Variants in KCNIP3 observed in about 807,000 individuals in gnomAD.
KCNIP3 encodes the protein potassium voltage-gated channel interacting protein 3, also known as calsenilin.
Under a neutral mutation model 35.0 loss-of-function variants are expected in KCNIP3, and 28 were observed. The observed-to-expected ratio is 0.80, with a 90% CI of 0.59 to 1.10. The LOEUF is 1.10. Among genes scored for constraint, KCNIP3 ranks in the 50% least tolerant of loss-of-function variants. The probability of loss-of-function intolerance (pLI) is 0.00; values close to 1 mark genes in which losing one functional copy is unlikely to be tolerated. For synonymous variants in KCNIP3, 134 were observed against 133.8 expected (o/e 1.00, Z -0.01); for missense variants, 295 against 338.4 (o/e 0.87, Z 1.01).
intron 5 of KCNIP3, among the ~76,000 whole-genome samples, chr2:95,380,766 G>A (rs538609460): frequency 6.6e-6 from 1 of 152,334 alleles, no homozygotes; most frequent in South Asian, 2.1e-4. Context: ...TGTAATCCCA[G>A]CACTTCTGAA....
intron 2 of KCNIP3, among the ~76,000 whole-genome samples, chr2:95,359,202 C>T (rs1679730922): frequency 6.6e-6 from 1 of 152,162 alleles, no homozygotes; most frequent in African/African-American, 2.4e-5. Flanking sequence ...CCCAGAGTCT[C>T]ATCTAAATCA....
chr2:95,383,322 G>A, intron 8 of KCNIP3, 28 bp downstream of exon 8: 1 of 1,608,846 alleles, frequency 6.2e-7, no homozygotes, highest in Non-Finnish European at 8.5e-7. Flanking sequence ...CTGGGCCACA[G>A]TTCTCTGCAG....
intron 1 of KCNIP3, chr2:95,303,005 A>C (rs1678077700): frequency 6.6e-6 from 1 of 152,608 alleles, no homozygotes; most frequent in Non-Finnish European, 1.5e-5. Context: ...CAGGTTTTCC[A>C]GGACCCCCAC....
intron 2 of KCNIP3, among the ~76,000 whole-genome samples, chr2:95,350,574 T>G (rs1679489247): frequency 1.3e-5 from 2 of 152,122 alleles, no homozygotes; most frequent in South Asian, 4.1e-4. Flanking sequence ...ACTGCCTGGA[T>G]GGGCACCGAG....
At chr2:95,327,709 T>C (rs1678828318) in intron 2 of KCNIP3, among the ~76,000 whole-genome samples, 1 of 152,162 alleles carries the variant, frequency 6.6e-6, no homozygotes. Flanking sequence ...GCCCCCATCT[T>C]CCAGGGGAAG....
At chr2:95,299,375 T>C (rs753070118) in intron 1 of KCNIP3, among the ~76,000 whole-genome samples, 1 of 152,200 alleles carries the variant, frequency 6.6e-6, no homozygotes, top group African/African-American at 2.4e-5. Context: ...CAGCAGGGAC[T>C]GTAGTCAGAG....
chr2:95,377,832 C>A lies in KCNIP3; in HGVS notation c.447+2624C>A, dbSNP rs1680242671. Among the ~76,000 whole-genome samples, 1 of 152,232 alleles carries A rather than the reference C, an allele frequency of 6.6e-6. No homozygotes were observed. The highest frequency in any genetic ancestry group is 2.4e-5 in the African/African-American group (1 of 41,456). ...CTAAGGGATACTGCATAGGGACATT[C>A]CTCAGCTGCTAGCAGCAGGCTCTGT... On this transcript the variant is annotated intron_variant, in intron 5 of 8. Coordinates refer to ENST00000295225, the MANE Select transcript of KCNIP3 (RefSeq NM_013434.5). The surrounding 1 kb of genome is among the most constrained non-coding windows in gnomAD (Gnocchi z 4.7).
Position 95,297,497 on chromosome 2 carries a change from G to A in KCNIP3, c.15+44G>A, listed in dbSNP as rs762243880. ...GGGTCTTGCTCTGGAGGGGGGTCGG[G>A]GGGAGGAATGGAGGCTTCTGGGGGT... On this transcript the variant is annotated intron_variant, in intron 1 of 8. Coordinates refer to ENST00000295225, the MANE Select transcript of KCNIP3 (RefSeq NM_013434.5). 7.1e-6 allele frequency: 7 copies of A among 983,808 alleles called. 1 individual carries two copies. In the African/African-American group the frequency reaches 1.2e-4, roughly 17 times the overall value. 60.9% of individuals were successfully genotyped at this position (983,808 alleles called of 1,614,324 possible).
At chr2:95,369,813 AG>A (rs1204417905) in intron 2 of KCNIP3, among the ~76,000 whole-genome samples, 1 of 152,006 alleles carries the variant, frequency 6.6e-6, no homozygotes, top group Non-Finnish European at 1.5e-5. Context: ...TTGTAGAGAC[AG>A]GGTCTTGCTA....
chr2:95,365,784 C>CA (rs1372183146), intron 2 of KCNIP3, among the ~76,000 whole-genome samples: 2 of 152,114 alleles, frequency 1.3e-5, no homozygotes, highest in Non-Finnish European at 2.9e-5. Context: ...TACAGCCTCT[C>CA]ATTTGTTTTT....
At chr2:95,317,344 G>A (rs1255694560) in intron 2 of KCNIP3, among the ~76,000 whole-genome samples, 3 of 152,150 alleles carry the variant, frequency 2.0e-5, no homozygotes, top group Non-Finnish European at 2.9e-5. Flanking sequence ...CCATCCCCAC[G>A]CCTCCCAGCC....
Position 95,381,607 on chromosome 2 carries a change from T to C in KCNIP3, c.459T>C (p.Val153=). 1 of 1,613,804 alleles carries C rather than the reference T, an allele frequency of 6.2e-7. No homozygotes were observed. ...NGAIHFEDFV[V]GLSILLRGTV... ...TCCTTTCCCCATAGGACTTTGTGGTTGGCCTCTCCATCCTGCTGCGGGGCA... is the reference window on the plus strand; with the variant it reads ...TCCTTTCCCCATAGGACTTTGTGGTCGGCCTCTCCATCCTGCTGCGGGGCA... Residue 153 remains valine (V), a synonymous_variant, in exon 6 of 9, where the codon GTT becomes GTC. Coordinates refer to ENST00000295225, the MANE Select transcript of KCNIP3 (RefSeq NM_013434.5).
At chr2:95,372,965 G>A (rs1302214164) in intron 2 of KCNIP3, among the ~76,000 whole-genome samples, 1 of 152,226 alleles carries the variant, frequency 6.6e-6, no homozygotes, top group African/African-American at 2.4e-5. Flanking sequence ...AGAGGCCTGG[G>A]TATGGAGCAA....
intron 2 of KCNIP3, among the ~76,000 whole-genome samples, chr2:95,322,586 C>G (rs1341523529): frequency 6.6e-6 from 1 of 152,136 alleles, no homozygotes; most frequent in East Asian, 1.9e-4. Flanking sequence ...CAGTGCTGCC[C>G]CTGGCCACAA....
At chr2:95,300,017 G>T (rs936234805) in intron 1 of KCNIP3, among the ~76,000 whole-genome samples, 8 of 152,262 alleles carry the variant, frequency 5.3e-5, no homozygotes, top group African/African-American at 1.7e-4. Flanking sequence ...TACAAGAGTT[G>T]TGGCTGAGAT....
intron 2 of KCNIP3, among the ~76,000 whole-genome samples, chr2:95,345,419 C>T (rs1448348980): frequency 3.9e-5 from 6 of 152,268 alleles, no homozygotes; most frequent in Admixed American, 2.6e-4. Context: ...CGCAGCCACG[C>T]GCCGCGGCTC....
intron 2 of KCNIP3, among the ~76,000 whole-genome samples, chr2:95,358,570 A>G (rs1412653623): frequency 6.6e-6 from 1 of 152,206 alleles, no homozygotes; most frequent in Non-Finnish European, 1.5e-5. Context: ...CTATAACAGA[A>G]TACCACAGAA....
At chr2:95,379,137 C>G (rs1168641525) in intron 5 of KCNIP3, among the ~76,000 whole-genome samples, 1 of 151,864 alleles carries the variant, frequency 6.6e-6, no homozygotes, top group Non-Finnish European at 1.5e-5. Context: ...GCCCCCCACC[C>G]ATCCCCCAGG....
chr2:95,326,010 CACAT>C (rs1420866737), intron 2 of KCNIP3, among the ~76,000 whole-genome samples: 12 of 151,800 alleles, frequency 7.9e-5, no homozygotes, highest in South Asian at 2.1e-4. Context: ...CTCAGACACA[CACAT>C]ACACATTCAC....
Sources: allele counts gnomAD v4.1 joint callset (sites outside exome capture counted in the v4.1 genomes callset), GRCh38; gene constraint gnomAD v4.1.1; non-coding constraint Gnocchi (gnomAD v3.1); transcripts MANE v1.5; gene names NCBI Gene and HGNC (gene_info 2026-07-23, HGNC 2026-07-21).